PIK3C2G: variants seen among roughly 807,000 people sequenced by gnomAD.
The protein encoded by PIK3C2G is phosphatidylinositol 3-kinase C2 domain-containing subunit gamma.
Under a neutral mutation model 181.1 loss-of-function variants are expected in PIK3C2G, and 168 were observed. That is an observed-to-expected ratio of 0.93 (90% confidence interval 0.82 to 1.05). The LOEUF (loss-of-function observed/expected upper bound fraction) is 1.05. PIK3C2G is among the 50% of genes least tolerant of loss of function. The pLI, the probability that PIK3C2G is intolerant of heterozygous loss-of-function variation, is 0.00. For missense variants in PIK3C2G, 1,869 were observed against 1,732.8 expected (o/e 1.08, Z -1.40); for synonymous variants, 573 against 592.2 (o/e 0.97, Z 0.47).
chr12:18,612,113 CA>C (rs1399214483), intron 31 of PIK3C2G, among the ~76,000 whole-genome samples: 1 of 152,102 alleles, frequency 6.6e-6, no homozygotes, highest in African/African-American at 2.4e-5. Flanking sequence ...CAGACTCCCT[CA>C]GTCACTCCGT....
At chr12:18,590,577 C>T (rs563244383) in intron 29 of PIK3C2G, among the ~76,000 whole-genome samples, 10 of 151,726 alleles carry the variant, frequency 6.6e-5, no homozygotes, top group South Asian at 4.2e-4. Context: ...TGGAGAACAC[C>T]GGCATAGGTT....
the PIK3C2G span, among the ~76,000 whole-genome samples, chr12:18,660,312 G>A: frequency 3.3e-5 from 5 of 152,108 alleles, no homozygotes; most frequent in Non-Finnish European, 5.9e-5. Context: ...AGGGATCTGT[G>A]TTCTGATATC....
chr12:18,257,076 A>G (rs1164417998), upstream of PIK3C2G, among the ~76,000 whole-genome samples: 1 of 152,134 alleles, frequency 6.6e-6, no homozygotes, highest in Non-Finnish European at 1.5e-5. Context: ...AAGGTTCCAG[A>G]ATATTGCATG....
chr12:18,321,026 T>C lies in PIK3C2G; in HGVS notation c.1202T>C (p.Val401Ala), dbSNP rs1565595091. The part of the protein sequence containing the change: ...QLLEFMHIWK[V>A]SRQCLLTLIR... ...CTAGAATTTATGCATATTTGGAAAG[T>C]ATCCAGGTAAGATATTTTATATTTG... Residue 401 changes from valine (V) to alanine (A), a missense_variant, in exon 7 of 33, where the codon GTA becomes GCA. Transcript: ENST00000538779. 6.7e-7 allele frequency: 1 copy of C among 1,492,832 alleles called. No homozygotes were observed. Among genetic ancestry groups the C allele is most frequent in the Non-Finnish European group, 9.3e-7 (1 of 1,077,396 alleles). 92.5% of individuals were successfully genotyped at this position (1,492,832 alleles called of 1,614,324 possible).
intron 18 of PIK3C2G, among the ~76,000 whole-genome samples, chr12:18,475,723 C>T (rs1183140180): frequency 6.6e-6 from 1 of 151,898 alleles, no homozygotes; most frequent in East Asian, 1.9e-4. Context: ...TAATTAATGT[C>T]TACATTAATA....
chr12:18,723,691 C>G, the PIK3C2G span: 2 of 749,730 alleles, frequency 2.7e-6, no homozygotes, highest in Admixed American at 2.6e-5. Context: ...ATATACAAAG[C>G]TGCATGGAGT....
At chr12:18,486,679 C>T (rs1940073647) in intron 18 of PIK3C2G, among the ~76,000 whole-genome samples, 1 of 151,658 alleles carries the variant, frequency 6.6e-6, no homozygotes, top group Admixed American at 6.6e-5. Context: ...AAACAAGTAG[C>T]CCAATATTCA....
At chr12:18,314,104 C>A in intron 6 of PIK3C2G, 40 bp downstream of exon 6, 1 of 1,004,460 alleles carries the variant, frequency 1.0e-6, no homozygotes, top group South Asian at 1.4e-5. Context: ...GGCAAACTGA[C>A]AGTTTTAAGG....
In PIK3C2G at chr12:18,487,100, G is replaced by GTGTGTGTGTGTT. The variant is rs1278572641; in HGVS notation, c.2505-1338_2505-1337insTTGTGTGTGTGT. ...TCTTTAGTCCCTTGAGGTATTTTGT[G>GTGTGTGTGTGTT]TGTGTGTGTGTGTGTGTGTGTGTGT... On this transcript the variant is annotated intron_variant, in intron 18 of 32. Transcript: ENST00000538779. Among the ~76,000 whole-genome samples, 4 of 142,350 alleles carry GTGTGTGTGTGTT rather than the reference G, an allele frequency of 2.8e-5. No individual in the cohort carries two copies. In the Admixed American group the frequency reaches 2.9e-4, roughly 10 times the overall value. The allele number at this position is 142,350 out of a possible 152,430, so 93.4% of individuals were successfully genotyped here.
At chr12:18,412,478 A>C (rs746184882) in intron 16 of PIK3C2G, among the ~76,000 whole-genome samples, 24 of 152,328 alleles carry the variant, frequency 1.6e-4, no homozygotes, top group African/African-American at 5.5e-4. Flanking sequence ...ACGTGGAAGC[A>C]GTAAGAGAAT....
At chr12:18,701,766 A>T in the PIK3C2G span, 1 of 1,602,178 alleles carries the variant, frequency 6.2e-7, no homozygotes, top group South Asian at 1.1e-5. Context: ...TAATATTTTG[A>T]ATTTTAGTGC....
At chr12:18,662,327 A>G in the PIK3C2G span, among the ~76,000 whole-genome samples, 10 of 152,048 alleles carry the variant, frequency 6.6e-5, no homozygotes, top group African/African-American at 2.4e-4. Context: ...TTTAAGTACA[A>G]TTTTTAAAAA....
At chr12:18,252,267 G>A (rs1948102525) in intron 1 of PIK3C2G, among the ~76,000 whole-genome samples, 1 of 152,044 alleles carries the variant, frequency 6.6e-6, no homozygotes, top group African/African-American at 2.4e-5. Flanking sequence ...CTCTCACCCT[G>A]CTGTAATCAA....
intron 32 of PIK3C2G, among the ~76,000 whole-genome samples, chr12:18,646,770 C>T (rs2136852293): frequency 6.6e-6 from 1 of 152,254 alleles, no homozygotes; most frequent in Admixed American, 6.5e-5. Flanking sequence ...GATTTCCACT[C>T]AGCTCTCTCC....
the PIK3C2G span, chr12:18,719,539 T>C: frequency 6.3e-7 from 1 of 1,599,294 alleles, no homozygotes; most frequent in Non-Finnish European, 8.5e-7. Flanking sequence ...CATATCTTGA[T>C]AAACTTTTCT....
chr12:18,672,454 G>T, the PIK3C2G span, among the ~76,000 whole-genome samples: 1 of 151,714 alleles, frequency 6.6e-6, no homozygotes, highest in African/African-American at 2.4e-5. Context: ...AAAGTCAAAT[G>T]ACTTGAAAAA....
Position 18,562,849 on chromosome 12 carries a change from T to C in PIK3C2G, c.3737T>C (p.Ile1246Thr), listed in dbSNP as rs779727278. ...TGTTTGCTGAGTACAACTAGGTCGA[T>C]TGAAAGAGCAACAATTTTAGGGTTC... ...ESCLLSTTRS[I>T]ERATILGFSK... The change falls in exon 27 of 33, where the codon ATT (isoleucine) becomes ACT (threonine). Residue 1246 changes from isoleucine (I) to threonine (T), a missense_variant. Physicochemically the swap from Ile to Thr is moderately conservative, Grantham distance 89. Coordinates refer to ENST00000538779, the MANE Select transcript of PIK3C2G (RefSeq NM_001288772.2). 33 of 1,606,456 alleles carry C rather than the reference T, an allele frequency of 2.1e-5. No individual in the cohort carries two copies. The highest frequency in any genetic ancestry group is 2.7e-5 in the African/African-American group (2 of 74,884).
At chr12:18,256,578 C>T (rs1191078649), upstream of PIK3C2G, among the ~76,000 whole-genome samples, 2 of 152,074 alleles carry the variant, frequency 1.3e-5, no homozygotes, top group East Asian at 3.9e-4. Flanking sequence ...TGCCGGCCCT[C>T]CTTTTTTAGA....
At chr12:18,652,186 A>G (rs1283282537), downstream of PIK3C2G, among the ~76,000 whole-genome samples, 3 of 152,068 alleles carry the variant, frequency 2.0e-5, no homozygotes, top group Non-Finnish European at 2.9e-5. Flanking sequence ...AAGGTTACTA[A>G]AGATGTAATT....
Sources: gnomAD v4.1 joint callset for allele counts (sites outside exome capture counted in the v4.1 genomes callset) on GRCh38, gnomAD v4.1.1 for gene constraint, MANE v1.5 for transcripts, NCBI Gene and HGNC (gene_info 2026-07-23, HGNC 2026-07-21) for gene names.